SPATA6: variants seen among roughly 807,000 people sequenced by gnomAD.
SPATA6 encodes spermatogenesis-associated protein 6.
Under a neutral mutation model 65.3 loss-of-function variants are expected in SPATA6, and 56 were observed. That is an observed-to-expected ratio of 0.86 (90% confidence interval 0.69 to 1.07). The LOEUF (loss-of-function observed/expected upper bound fraction) is 1.07. SPATA6 is among the 50% of genes least tolerant of loss of function. The pLI is 0.00. For synonymous variants in SPATA6, 199 were observed against 213.2 expected (o/e 0.93, Z 0.58); for missense variants, 590 against 594.8 (o/e 0.99, Z 0.08).
At chr1:48,312,360 A>C (rs1292150100) in intron 11 of SPATA6, among the ~76,000 whole-genome samples, 1 of 152,182 alleles carries the variant, frequency 6.6e-6, no homozygotes. Flanking sequence ...TTCCAGAGGA[A>C]AGATCAGGCA....
intron 11 of SPATA6, among the ~76,000 whole-genome samples, chr1:48,328,973 C>G (rs1027657605): frequency 6.6e-6 from 1 of 152,094 alleles, no homozygotes; most frequent in East Asian, 1.9e-4. Context: ...ATGCTTCCCT[C>G]TATATTGTAC....
chr1:48,411,130 G>A (rs578222766), intron 5 of SPATA6, among the ~76,000 whole-genome samples: 1 of 152,276 alleles, frequency 6.6e-6, no homozygotes, highest in East Asian at 1.9e-4. Context: ...GGGATGGGGA[G>A]AGAAGGGGAT....
At chr1:48,418,451 T>C (rs1055997148) in intron 3 of SPATA6, among the ~76,000 whole-genome samples, 1 of 139,418 alleles carries the variant, frequency 7.2e-6, no homozygotes, top group African/African-American at 2.7e-5. Context: ...CTCACTCCTA[T>C]AATCCCAGCA....
intron 11 of SPATA6, among the ~76,000 whole-genome samples, chr1:48,355,012 C>A (rs1646617909): frequency 6.6e-6 from 1 of 151,680 alleles, no homozygotes; most frequent in East Asian, 1.9e-4. Flanking sequence ...CCCCTTATAC[C>A]CCCCCAAGAC....
chr1:48,375,243 C>T (rs1647747538), intron 9 of SPATA6, among the ~76,000 whole-genome samples: 1 of 150,574 alleles, frequency 6.6e-6, no homozygotes, highest in Non-Finnish European at 1.5e-5. Flanking sequence ...ATGCAGAAGA[C>T]TTTCAGTAAT....
chr1:48,469,513 TGA>T (rs1217780290), intron 1 of SPATA6, among the ~76,000 whole-genome samples: 3 of 150,498 alleles, frequency 2.0e-5, no homozygotes, highest in East Asian at 3.9e-4. Context: ...GTGTGGTATG[TGA>T]GAGAGAGTTT....
chr1:48,389,356 AAACTATTTAATGAAATAAT>A (rs1649818074), intron 8 of SPATA6, among the ~76,000 whole-genome samples: 1 of 152,230 alleles, frequency 6.6e-6, no homozygotes, highest in Non-Finnish European at 1.5e-5. Context: ...AGAGTTCCAA[AAACTATTTAATGAAATAAT>A]AAACAAAAAT....
At chr1:48,458,754 G>A (rs1335436501) in intron 1 of SPATA6, among the ~76,000 whole-genome samples, 1 of 152,140 alleles carries the variant, frequency 6.6e-6, no homozygotes, top group African/African-American at 2.4e-5. Context: ...TACAGATACG[G>A]GAATTAGATC....
downstream of SPATA6, among the ~76,000 whole-genome samples, chr1:48,290,737 G>GA: frequency 6.6e-6 from 1 of 152,114 alleles, no homozygotes; most frequent in Admixed American, 6.5e-5. Context: ...ACAAAGATCA[G>GA]AAGAGACAAA....
chr1:48,337,077 G>C (rs748010355), intron 11 of SPATA6, among the ~76,000 whole-genome samples: 28 of 151,902 alleles, frequency 1.8e-4, no homozygotes, highest in Non-Finnish European at 3.8e-4. Context: ...GCCAAAATCT[G>C]AGGAGAATAT....
chr1:48,366,668 T>C (rs1436719284), intron 9 of SPATA6, among the ~76,000 whole-genome samples: 4 of 152,212 alleles, frequency 2.6e-5, no homozygotes, highest in African/African-American at 4.8e-5. Flanking sequence ...TTATTGCATC[T>C]ATCTGATTCT....
intron 3 of SPATA6, among the ~76,000 whole-genome samples, chr1:48,416,728 G>A (rs1470755099): frequency 6.6e-6 from 1 of 151,974 alleles, no homozygotes; most frequent in Non-Finnish European, 1.5e-5. Flanking sequence ...AAAGAAAAAC[G>A]ACAGGCAATC....
intron 3 of SPATA6, among the ~76,000 whole-genome samples, chr1:48,446,253 C>T (rs550674443): frequency 8.5e-5 from 13 of 152,298 alleles, no homozygotes; most frequent in Admixed American, 8.5e-4. Context: ...AGAAATCACT[C>T]TACTGCCGTG....
intron 3 of SPATA6, among the ~76,000 whole-genome samples, chr1:48,427,374 C>CTG (rs1302955634): frequency 6.8e-6 from 1 of 146,608 alleles, no homozygotes; most frequent in African/African-American, 2.5e-5. Context: ...AAAGTAAACA[C>CTG]TAAACAGGCA....
chr1:48,306,151 G>A (rs72891533), intron 11 of SPATA6, among the ~76,000 whole-genome samples: 3,867 of 151,954 alleles, frequency 0.025, 106 homozygotes, highest in African/African-American at 0.07. Context: ...TAAAAATAGA[G>A]GAATGAATCC....
At chr1:48,448,234 C>A (rs1277457443) in intron 3 of SPATA6, among the ~76,000 whole-genome samples, 1 of 147,476 alleles carries the variant, frequency 6.8e-6, no homozygotes, top group African/African-American at 2.5e-5. Flanking sequence ...GTACTCCAGC[C>A]TGGGTGACAG....
At chr1:48,437,223 G>A (rs1655019435) in intron 3 of SPATA6, 2 of 1,612,608 alleles carry the variant, frequency 1.2e-6, no homozygotes, top group African/African-American at 1.3e-5. Context: ...TGGAATTCTA[G>A]GGCTGCCAAA....
At chr1:48,452,134 G>C (rs1277058276) in intron 2 of SPATA6, among the ~76,000 whole-genome samples, 1 of 152,088 alleles carries the variant, frequency 6.6e-6, no homozygotes, top group Admixed American at 6.6e-5. Flanking sequence ...AAAGCTCCCA[G>C]AGGGGAGGAT....
rs1219642981 is a variant in SPATA6 at position 48,297,911 on chromosome 1, A to G, written c.*802T>C. On this transcript the variant is annotated 3_prime_UTR_variant, in exon 13 of 13. Coordinates refer to ENST00000371847, the MANE Select transcript of SPATA6 (RefSeq NM_019073.4). The stretch of plus-strand genomic sequence containing the variant: ...TACTTACACAAATTCCAAGCAGTCA[A>G]ATTACAATATAATTCCATTATTATT... 1 of 152,280 alleles carries G rather than the reference A, an allele frequency of 6.6e-6. No individual in the cohort carries two copies. Among genetic ancestry groups the G allele is most frequent in the Non-Finnish European group, 1.5e-5 (1 of 68,030 alleles). The allele number at this position is 152,280 out of a possible 1,614,324, so 9.4% of individuals were successfully genotyped here. A position where few individuals can be genotyped will look rare whatever the true frequency, so the allele number is the denominator to read the frequency against.
Sources: gnomAD v4.1 joint callset for allele counts (sites outside exome capture counted in the v4.1 genomes callset) on GRCh38, gnomAD v4.1.1 for gene constraint, MANE v1.5 for transcripts, NCBI Gene and HGNC (gene_info 2026-07-23, HGNC 2026-07-21) for gene names.